RYR2: variants seen among roughly 807,000 people sequenced by gnomAD.
The protein encoded by RYR2 is ryanodine receptor 2, also known as cardiac muscle ryanodine receptor-calcium release channel.
In RYR2, 227 loss-of-function variants were observed where a neutral mutation model predicts 601.1. The ratio of observed to expected loss-of-function variants is 0.38; its 90% confidence interval spans 0.34 to 0.42. The LOEUF is 0.42. Ranked by LOEUF, RYR2 falls within the 10% of genes least tolerant of loss-of-function variation. RYR2 has a pLI of 1.00. For synonymous variants in RYR2, 2,223 were observed against 2,175.1 expected, an observed-to-expected ratio of 1.02 and a Z score of -0.61; for missense variants, 4,646 against 6,156.5, an observed-to-expected ratio of 0.75 and a Z score of 8.21.
intron 1 of RYR2, among the ~76,000 whole-genome samples, chr1:237,075,711 C>T (rs1188716564): frequency 1.6e-4 from 1 of 6,298 alleles, no homozygotes; most frequent in South Asian, 3.4e-3. Flanking sequence ...GGGCGCCCGC[C>T]ATTGCCCAGG....
intron 10 of RYR2, among the ~76,000 whole-genome samples, chr1:237,397,783 G>A (rs573311273): frequency 7.3e-5 from 11 of 150,588 alleles, no homozygotes; most frequent in African/African-American, 1.7e-4. Flanking sequence ...GTGCAGTGGC[G>A]CCATCTCGGC....
At chr1:237,333,562 A>G in intron 3 of RYR2, 1 of 455,536 alleles carries the variant, frequency 2.2e-6, no homozygotes, top group Non-Finnish European at 4.4e-6. Context: ...ACTGTTTACC[A>G]AGAAGGATAG....
At position 237,798,187 on chromosome 1, in the gene RYR2, C is replaced by A; in HGVS notation, c.14090+17C>A. On this transcript the variant is annotated intron_variant, in intron 97 of 104. Coordinates refer to ENST00000366574, the MANE Select transcript of RYR2 (RefSeq NM_001035.3). ...ATCAGCTGTGTAAGTGTTACTTCGG[C>A]TCTATCCTACAGACTTAGATTGAAA... 6.2e-7 allele frequency: 1 copy of A among 1,607,268 alleles called. No homozygotes were observed. Among genetic ancestry groups the A allele is most frequent in the Non-Finnish European group, 8.5e-7 (1 of 1,177,432 alleles).
intron 5 of RYR2, 132 bp from the exon 6 acceptor site, chr1:237,369,402 G>T: frequency 3.9e-6 from 3 of 769,666 alleles, no homozygotes; most frequent in Non-Finnish European, 4.6e-6. Flanking sequence ...CACTTTGCTT[G>T]TCTGCAAGAG....
chr1:237,151,943 C>A (rs1003500717), intron 1 of RYR2, among the ~76,000 whole-genome samples: 4 of 152,068 alleles, frequency 2.6e-5, no homozygotes, highest in Admixed American at 2.6e-4. Context: ...CTGCACCCAT[C>A]AACTCGTCAC....
intron 1 of RYR2, among the ~76,000 whole-genome samples, chr1:237,233,092 G>A (rs374938428): frequency 6.6e-6 from 1 of 152,148 alleles, no homozygotes; most frequent in East Asian, 1.9e-4. Context: ...TATAGAAGGA[G>A]AAAACCAGGA....
intron 1 of RYR2, among the ~76,000 whole-genome samples, chr1:237,174,069 A>C (rs923018234): frequency 6.6e-6 from 1 of 152,244 alleles, no homozygotes; most frequent in African/African-American, 2.4e-5. Context: ...AAAACAAAAA[A>C]AAAAGAGTAT....
intron 27 of RYR2, among the ~76,000 whole-genome samples, chr1:237,551,488 G>T (rs1016722741): frequency 7.7e-6 from 1 of 129,300 alleles, no homozygotes; most frequent in Non-Finnish European, 1.5e-5. Context: ...CCGAGATGGC[G>T]CCACTGCACT....
chr1:237,742,778 G>A (rs1367029024), intron 80 of RYR2, among the ~76,000 whole-genome samples: 3 of 152,178 alleles, frequency 2.0e-5, no homozygotes, highest in African/African-American at 4.8e-5. Context: ...TGCCCAATTA[G>A]ATCACTCATT....
At chr1:237,219,792 T>C (rs1683605354) in intron 1 of RYR2, among the ~76,000 whole-genome samples, 1 of 152,180 alleles carries the variant, frequency 6.6e-6, no homozygotes, top group Admixed American at 6.5e-5. Flanking sequence ...TTACCATAAA[T>C]TTGAAGAAGT....
chr1:237,604,806 A>G (rs1676921871), intron 35 of RYR2, among the ~76,000 whole-genome samples: 1 of 152,186 alleles, frequency 6.6e-6, no homozygotes, highest in South Asian at 2.1e-4. Flanking sequence ...CTATGCAAAT[A>G]AACTAGAAAA....
intron 62 of RYR2, among the ~76,000 whole-genome samples, chr1:237,687,035 A>T (rs991607820): frequency 3.9e-5 from 6 of 152,222 alleles, no homozygotes; most frequent in African/African-American, 1.4e-4. Flanking sequence ...GTAAAATAAA[A>T]TAATGTCCAT....
intron 25 of RYR2, among the ~76,000 whole-genome samples, chr1:237,540,401 G>A (rs1276239201): frequency 6.6e-6 from 1 of 152,168 alleles, no homozygotes; most frequent in East Asian, 1.9e-4. Flanking sequence ...CTCAAAGGCT[G>A]CTTGAGTGTT....
At chr1:237,137,298 G>T (rs1229657671) in intron 1 of RYR2, among the ~76,000 whole-genome samples, 2 of 152,128 alleles carry the variant, frequency 1.3e-5, no homozygotes, top group Admixed American at 6.5e-5. Flanking sequence ...CTGTCACCTT[G>T]TCATCATGCC....
chr1:237,321,692 G>C (rs939730662), intron 2 of RYR2, among the ~76,000 whole-genome samples: 4 of 152,160 alleles, frequency 2.6e-5, no homozygotes, highest in Admixed American at 6.5e-5. Context: ...AGGGGATTTT[G>C]GTACATAGAG....
chr1:237,562,216 A>G (rs976615514), intron 27 of RYR2, among the ~76,000 whole-genome samples: 1 of 152,214 alleles, frequency 6.6e-6, no homozygotes, highest in Non-Finnish European at 1.5e-5. Context: ...ATTCTTATTT[A>G]CTACAAGGTT....
chr1:237,125,516 T>C (rs1245131538), intron 1 of RYR2, among the ~76,000 whole-genome samples: 1 of 152,190 alleles, frequency 6.6e-6, no homozygotes, highest in African/African-American at 2.4e-5. Context: ...TAACATACTT[T>C]ACTATTATAA....
intron 29 of RYR2, among the ~76,000 whole-genome samples, chr1:237,573,284 G>A (rs1342991801): frequency 2.6e-5 from 4 of 151,350 alleles, no homozygotes; most frequent in East Asian, 2.0e-4. Flanking sequence ...GTGTGTATGC[G>A]CACACATACA....
At chr1:237,653,352 G>A (rs1464404070) in intron 51 of RYR2, among the ~76,000 whole-genome samples, 1 of 152,056 alleles carries the variant, frequency 6.6e-6, no homozygotes, top group Non-Finnish European at 1.5e-5. Flanking sequence ...TGTGCTTCTG[G>A]GTCATCCTGA....
Sources: allele counts gnomAD v4.1 joint callset (sites outside exome capture counted in the v4.1 genomes callset), GRCh38; gene constraint gnomAD v4.1.1; transcripts MANE v1.5; gene names NCBI Gene and HGNC (gene_info 2026-07-23, HGNC 2026-07-21).